TSPAN9: variants seen among roughly 807,000 people sequenced by gnomAD.
TSPAN9 encodes the protein tetraspanin 9.
In TSPAN9, 16 loss-of-function variants were observed where a neutral mutation model predicts 31.0. The observed-to-expected ratio is 0.52, with a 90% confidence interval of 0.35 to 0.78. The LOEUF (loss-of-function observed/expected upper bound fraction) is 0.78, where lower values mean the gene tolerates loss of function less well. Among genes scored for constraint, TSPAN9 ranks in the 30% least tolerant of loss-of-function variants. TSPAN9 has a pLI of 0.01. For missense variants in TSPAN9, 272 were observed against 312.5 expected (o/e 0.87, Z 0.98); for synonymous variants, 145 against 121.6 (o/e 1.19, Z -1.27).
intron 2 of TSPAN9, among the ~76,000 whole-genome samples, chr12:3,129,992 C>G (rs1384149226): frequency 6.6e-6 from 1 of 152,220 alleles, no homozygotes; most frequent in Non-Finnish European, 1.5e-5. Context: ...TCTTTGATCC[C>G]TCCCTGCATC....
chr12:3,256,530 T>TA (rs1862348315), intron 3 of TSPAN9, among the ~76,000 whole-genome samples: 1 of 152,200 alleles, frequency 6.6e-6, no homozygotes, highest in South Asian at 2.1e-4. Flanking sequence ...GAGCTGCCTC[T>TA]AGCGTAATCG....
intron 3 of TSPAN9, chr12:3,273,209 G>C (rs1396802763): frequency 6.6e-6 from 1 of 152,260 alleles, no homozygotes; most frequent in Non-Finnish European, 1.5e-5. Flanking sequence ...AAAAACAACA[G>C]ACCCAAATCC....
At chr12:3,093,185 C>T (rs2098305804) in intron 2 of TSPAN9, among the ~76,000 whole-genome samples, 1 of 152,222 alleles carries the variant, frequency 6.6e-6, no homozygotes, top group Admixed American at 6.5e-5. Context: ...GAATTGCCCC[C>T]AGTTCTGGGA....
chr12:3,103,288 G>A (rs745387163), intron 2 of TSPAN9, among the ~76,000 whole-genome samples: 23 of 152,126 alleles, frequency 1.5e-4, no homozygotes, highest in African/African-American at 4.6e-4. Flanking sequence ...TGTCAGCCTC[G>A]TCCGCGGTAG....
chr12:3,279,851 A>G (rs1862862143), intron 5 of TSPAN9, among the ~76,000 whole-genome samples: 3 of 152,252 alleles, frequency 2.0e-5, no homozygotes, highest in Non-Finnish European at 2.9e-5. Flanking sequence ...TGGCCCTTTT[A>G]TGAGAATTGT....
chr12:3,246,455 G>T (rs929468324), intron 3 of TSPAN9, among the ~76,000 whole-genome samples: 1 of 152,138 alleles, frequency 6.6e-6, no homozygotes, highest in Non-Finnish European at 1.5e-5. Flanking sequence ...GGCTGCCTTG[G>T]CAGAAGGCCC....
At chr12:3,212,938 C>A (rs370976554) in intron 3 of TSPAN9, among the ~76,000 whole-genome samples, 1 of 151,876 alleles carries the variant, frequency 6.6e-6, no homozygotes, top group Non-Finnish European at 1.5e-5. Flanking sequence ...GATGCCTATC[C>A]GGTGAAGGGA....
chr12:3,103,196 C>T (rs1261190090), intron 2 of TSPAN9, among the ~76,000 whole-genome samples: 2 of 152,198 alleles, frequency 1.3e-5, no homozygotes, highest in African/African-American at 2.4e-5. Context: ...GTTCTCTATT[C>T]CCCTTGGCTG....
intron 2 of TSPAN9, among the ~76,000 whole-genome samples, chr12:3,129,561 A>G (rs544981973): frequency 5.6e-4 from 86 of 152,324 alleles, no homozygotes; most frequent in African/African-American, 2.0e-3. Context: ...TCGTCATCAC[A>G]TGTATCCCTT....
rs1444434717 is a variant in TSPAN9 at position 3,228,086 on chromosome 12, T to C, written c.63+26830T>C. On this transcript the variant is annotated intron_variant, in intron 3 of 8. Coordinates refer to ENST00000011898, the MANE Select transcript of TSPAN9 (RefSeq NM_006675.5). ...ATCCTTGGCCGGATGTGGGGGCTCA[T>C]GTCTGTAATCCCATCACTTTGGAAG... Among the ~76,000 whole-genome samples the C allele has an allele frequency of 3.3e-5, 5 of 152,208 alleles. No homozygotes were observed. The East Asian group carries it at 9.6e-4, about 29-fold the overall frequency.
At chr12:3,258,076 G>T (rs1862382533) in intron 3 of TSPAN9, among the ~76,000 whole-genome samples, 1 of 152,202 alleles carries the variant, frequency 6.6e-6, no homozygotes. Flanking sequence ...CAGGGCAGAG[G>T]ATTTGGGCTC....
intron 3 of TSPAN9, among the ~76,000 whole-genome samples, chr12:3,227,786 G>GA (rs2098388613): frequency 6.6e-6 from 1 of 152,222 alleles, no homozygotes; most frequent in African/African-American, 2.4e-5. Context: ...TGGGAGGCTT[G>GA]AAGACAGGAG....
chr12:3,138,209 G>A (rs609667), intron 2 of TSPAN9, among the ~76,000 whole-genome samples: 82,649 of 152,038 alleles, frequency 0.54, 22,651 homozygotes, highest in Middle Eastern at 0.65. Context: ...GCCTGGGGCG[G>A]GTGTAGCTGG....
At chr12:3,131,342 C>T (rs1458184783) in intron 2 of TSPAN9, among the ~76,000 whole-genome samples, 1 of 152,182 alleles carries the variant, frequency 6.6e-6, no homozygotes, top group Non-Finnish European at 1.5e-5. Flanking sequence ...GCCGAAGCTG[C>T]GGCCCACGTT....
intron 1 of TSPAN9, among the ~76,000 whole-genome samples, chr12:3,080,950 C>T (rs2153961559): frequency 6.6e-6 from 1 of 152,306 alleles, no homozygotes; most frequent in East Asian, 1.9e-4. Flanking sequence ...GGAGTGCCCC[C>T]TTTTCGCAGG....
intron 2 of TSPAN9, among the ~76,000 whole-genome samples, chr12:3,160,077 C>T (rs2098344244): frequency 6.6e-6 from 1 of 152,218 alleles, no homozygotes; most frequent in African/African-American, 2.4e-5. Context: ...AAGCCATTCT[C>T]TATATCCTCC....
At chr12:3,265,589 C>T (rs777779276) in intron 3 of TSPAN9, among the ~76,000 whole-genome samples, 2 of 152,194 alleles carry the variant, frequency 1.3e-5, no homozygotes, top group Admixed American at 6.5e-5. Flanking sequence ...AGCAGGTAGT[C>T]GCCCTCGGCT....
At chr12:3,080,479 C>T (rs1224505878) in intron 1 of TSPAN9, among the ~76,000 whole-genome samples, 1 of 152,026 alleles carries the variant, frequency 6.6e-6, no homozygotes, top group African/African-American at 2.4e-5. Flanking sequence ...GGACTACAGG[C>T]GCCCGCCATC....
intron 2 of TSPAN9, among the ~76,000 whole-genome samples, chr12:3,161,386 G>A (rs2098345109): frequency 6.6e-6 from 1 of 152,108 alleles, no homozygotes; most frequent in Non-Finnish European, 1.5e-5. Context: ...CTTACATTTA[G>A]GTTCATGATT....
Sources: allele counts gnomAD v4.1 joint callset (sites outside exome capture counted in the v4.1 genomes callset), GRCh38; gene constraint gnomAD v4.1.1; transcripts MANE v1.5; gene names NCBI Gene and HGNC (gene_info 2026-07-23, HGNC 2026-07-21).